Variants in PARG observed in about 807,000 individuals in gnomAD.
PARG encodes the protein poly(ADP-ribose) glycohydrolase, also known as mitochondrial poly(ADP-ribose) glycohydrolase.
In PARG, 35 loss-of-function variants were observed where a neutral mutation model predicts 113.0. The ratio of observed to expected loss-of-function variants is 0.31; its 90% CI spans 0.24 to 0.41. PARG has a LOEUF of 0.41. Among genes scored for constraint, PARG ranks in the 10% least tolerant of loss-of-function variants. The probability of loss-of-function intolerance (pLI) is 1.00; values close to 1 mark genes in which losing one functional copy is unlikely to be tolerated. For synonymous variants in PARG, 330 were observed against 409.9 expected (o/e 0.81, Z 2.36); for missense variants, 797 against 1,169.4 (o/e 0.68, Z 4.64).
chr10:49,902,322 T>C (rs1848381253), intron 7 of PARG, among the ~76,000 whole-genome samples: 1 of 152,214 alleles, frequency 6.6e-6, no homozygotes, highest in Non-Finnish European at 1.5e-5. Context: ...TTGAAGTAAT[T>C]TTGGTTTTAT....
At chr10:49,836,500 T>C (rs1268796169) in intron 15 of PARG, among the ~76,000 whole-genome samples, 1 of 152,030 alleles carries the variant, frequency 6.6e-6, no homozygotes, top group East Asian at 1.9e-4. Context: ...AAATGCAATA[T>C]ATAAAATGAA....
At chr10:49,843,191 ATAACT>A (rs782563667) in intron 14 of PARG, among the ~76,000 whole-genome samples, 18 of 152,260 alleles carry the variant, frequency 1.2e-4, no homozygotes, top group Non-Finnish European at 2.2e-4. Flanking sequence ...AAAATTAAAG[ATAACT>A]TAATAAGTTG....
chr10:49,853,278 C>T (rs1257039601), intron 13 of PARG, among the ~76,000 whole-genome samples: 1 of 151,740 alleles, frequency 6.6e-6, no homozygotes, highest in Non-Finnish European at 1.5e-5. Flanking sequence ...CCTCATGATC[C>T]GCCCGCCTCA....
intron 13 of PARG, among the ~76,000 whole-genome samples, chr10:49,856,240 C>T (rs1275301766): frequency 1.7e-4 from 26 of 151,246 alleles, no homozygotes; most frequent in East Asian, 2.0e-4. Flanking sequence ...AGTACAGTGG[C>T]GCGATCTCAG....
At chr10:49,839,263 G>A (rs996229585) in intron 15 of PARG, among the ~76,000 whole-genome samples, 38 of 151,986 alleles carry the variant, frequency 2.5e-4, no homozygotes, top group Non-Finnish European at 3.8e-4. Context: ...CTTGTACCCG[G>A]GAGGCGGAAG....
intron 13 of PARG, among the ~76,000 whole-genome samples, chr10:49,852,128 T>C (rs1329931937): frequency 6.6e-6 from 1 of 152,242 alleles, no homozygotes; most frequent in Admixed American, 6.5e-5. Flanking sequence ...TTGTAGTGCA[T>C]GGCTAAGAGT....
Position 49,879,670 on chromosome 10 carries a change from T to G in PARG, c.1988+3A>C. 1 of 1,507,842 alleles carries G rather than the reference T, an allele frequency of 6.6e-7. No individual in the cohort carries two copies. Among genetic ancestry groups the G allele is most frequent in the South Asian group, 1.2e-5 (1 of 80,720 alleles). 93.4% of individuals were successfully genotyped at this position (1,507,842 alleles called of 1,614,324 possible). A position where few individuals can be genotyped will look rare whatever the true frequency, so the allele number is the denominator to read the frequency against. ...GTTAAAGAGGTGTTTTCTGAAAACA[T>G]ACCGATTGAAGTTAATGTCTGGGTA... On this transcript the variant is annotated splice_donor_region_variant and intron_variant, in intron 9 of 17. Transcript: ENST00000616448.
At chr10:49,934,460 T>C (rs1224364268) in intron 2 of PARG, among the ~76,000 whole-genome samples, 4 of 152,042 alleles carry the variant, frequency 2.6e-5, no homozygotes, top group African/African-American at 7.3e-5. Context: ...TAACCACCAC[T>C]GTGCCTTGCT....
At chr10:49,887,704 A>G (rs1422547441) in intron 7 of PARG, among the ~76,000 whole-genome samples, 2 of 152,120 alleles carry the variant, frequency 1.3e-5, no homozygotes, top group Non-Finnish European at 2.9e-5. Flanking sequence ...TAGCAATTTC[A>G]CCTACTGAGA....
chr10:49,841,023 G>A lies in PARG; in HGVS notation c.2541+927C>T, dbSNP rs559346206. Among the ~76,000 whole-genome samples the A allele has an allele frequency of 6.9e-4, 105 of 152,276 alleles. 1 individual carries two copies. The highest frequency in any genetic ancestry group is 2.0e-3 in the African/African-American group (84 of 41,560). ...TCCCAATACTTTGGGAGGCTGTGGC[G>A]GGCAGGATCGCCTGAGGTCAGGAGT... On this transcript the variant is annotated intron_variant, in intron 15 of 17. Coordinates refer to ENST00000616448, the MANE Select transcript of PARG (RefSeq NM_003631.5).
Position 49,857,386 on chromosome 10 carries a change from C to T in PARG, c.2273G>A (p.Arg758His), listed in dbSNP as rs1554835246. 6 of 1,577,038 alleles carry T rather than the reference C, an allele frequency of 3.8e-6. No homozygotes were observed. The highest frequency in any genetic ancestry group is 2.2e-5 in the East Asian group (1 of 44,504). Residue 758 changes from arginine (R) to histidine (H), a missense_variant, in exon 13 of 18, where the codon CGC becomes CAC. Arg to His is a conservative substitution (Grantham distance 29). This residue lies in a region of PARG where 40 missense variants were observed against 124.5 expected (regional missense o/e 0.32). Transcript: ENST00000616448. ...TSAGLVQEEI[R>H]FLINPELIIS... Reference sequence around the variant, plus strand: ...AATCAACTCAGGATTGATTAAAAAGCGGATTTCTTCTTGCACAAGTCCTGC... The same window carrying T: ...AATCAACTCAGGATTGATTAAAAAGTGGATTTCTTCTTGCACAAGTCCTGC...
chr10:49,881,491 C>T (rs1847211849), intron 8 of PARG, among the ~76,000 whole-genome samples: 1 of 152,182 alleles, frequency 6.6e-6, no homozygotes. Flanking sequence ...TTTAGAGATG[C>T]ATTTCATTCT....
At chr10:49,844,077 G>A (rs573226471) in intron 13 of PARG, among the ~76,000 whole-genome samples, 21 of 151,336 alleles carry the variant, frequency 1.4e-4, no homozygotes, top group South Asian at 8.4e-4. Context: ...CCTGGGAGGC[G>A]GAGGTTGCAG....
intron 4 of PARG, 136 bp from the exon 5 acceptor site, chr10:49,922,805 A>C (rs1428932440): frequency 1.3e-6 from 1 of 765,194 alleles, no homozygotes; most frequent in Non-Finnish European, 2.1e-6. Flanking sequence ...AGAACCCTTC[A>C]GTTCTTCCCA....
At position 49,886,288 on chromosome 10, in the gene PARG, G is replaced by C. The variant is rs1364444660; in HGVS notation, c.1738-993C>G. ...GGAATCGATGAAGAAACAGACTCTTGACAAAAATCAGGAACTAAACTGAAA... is the reference window on the plus strand; with the variant it reads ...GGAATCGATGAAGAAACAGACTCTTCACAAAAATCAGGAACTAAACTGAAA... On this transcript the variant is annotated intron_variant, in intron 7 of 17. Coordinates refer to ENST00000616448, the MANE Select transcript of PARG (RefSeq NM_003631.5). Among the ~76,000 whole-genome samples, 4 of 152,286 alleles carry C rather than the reference G, an allele frequency of 2.6e-5. No individual in the cohort carries two copies. In the South Asian group the frequency reaches 8.3e-4, roughly 32 times the overall value.
At position 49,920,463 on chromosome 10, in the gene PARG, A is replaced by AATATATAT. The variant is rs202215714; in HGVS notation, c.1662+1865_1662+1872dup. Among the ~76,000 whole-genome samples, 24 of 47,952 alleles carry AATATATAT rather than the reference A, an allele frequency of 5.0e-4. 1 individual carries two copies. Among genetic ancestry groups the AATATATAT allele is most frequent in the East Asian group, 2.9e-3 (6 of 2,036 alleles). The allele number at this position is 47,952 out of a possible 152,430, so 31.5% of individuals were successfully genotyped here. On this transcript the variant is annotated intron_variant, in intron 6 of 17. Transcript: ENST00000616448. ...CCCAGCCTCAAATTAAAAAAAAAAA[A>AATATATAT]ATATATATATATATATATATATATA...
At chr10:49,910,674 A>T (rs1288349198) in intron 7 of PARG, among the ~76,000 whole-genome samples, 4 of 152,172 alleles carry the variant, frequency 2.6e-5, no homozygotes, top group Non-Finnish European at 5.9e-5. Context: ...TAAAATCCTT[A>T]GGCTTCCTTT....
At chr10:49,941,455 G>A in intron 1 of PARG, 54 bp downstream of exon 1, 2 of 1,336,050 alleles carry the variant, frequency 1.5e-6, no homozygotes, top group African/African-American at 2.9e-5. Context: ...CTCAGACTGA[G>A]ACCAGAAGGT....
chr10:49,941,132 A>G (rs1410061171), intron 1 of PARG, among the ~76,000 whole-genome samples: 1 of 152,200 alleles, frequency 6.6e-6, no homozygotes, highest in Non-Finnish European at 1.5e-5. Context: ...GCACCCTGGG[A>G]CCCAGAATCT....
Sources: gnomAD v4.1 joint callset for allele counts (sites outside exome capture counted in the v4.1 genomes callset) on GRCh38, gnomAD v4.1.1 for gene constraint, gnomAD v4.1.1 regional missense constraint, MANE v1.5 for transcripts, NCBI Gene and HGNC (gene_info 2026-07-23, HGNC 2026-07-21) for gene names.